The following CPNE2 variants were observed in gnomAD, a reference collection of about 807,000 sequenced individuals.
CPNE2 encodes copine-2.
Under a neutral mutation model 69.7 loss-of-function variants are expected in CPNE2, and 42 were observed. That is an observed-to-expected ratio of 0.60 (90% CI 0.47 to 0.78). The LOEUF is 0.78. Ranked by LOEUF, CPNE2 falls within the 30% of genes least tolerant of loss-of-function variation. The pLI, the probability that CPNE2 is intolerant of heterozygous loss-of-function variation, is 0.00. For synonymous variants in CPNE2, 294 were observed against 289.8 expected (o/e 1.01, Z -0.15); for missense variants, 587 against 732.0 (o/e 0.80, Z 2.29).
At chr16:57,127,301 T>C (rs1251397895) in intron 11 of CPNE2, among the ~76,000 whole-genome samples, 1 of 151,986 alleles carries the variant, frequency 6.6e-6, no homozygotes, top group Non-Finnish European at 1.5e-5. Context: ...AGCATTGAAG[T>C]TGGAATGTGA....
intron 9 of CPNE2, among the ~76,000 whole-genome samples, chr16:57,122,634 C>T (rs183505296): frequency 4.7e-4 from 71 of 152,252 alleles, no homozygotes; most frequent in African/African-American, 1.6e-3. Flanking sequence ...ACTGTGTTGC[C>T]CAGGCTGGAG....
At chr16:57,128,947 G>A (rs2069819151) in intron 12 of CPNE2, 1 of 152,232 alleles carries the variant, frequency 6.6e-6, no homozygotes, top group Non-Finnish European at 1.5e-5. Flanking sequence ...TGCTGAGGTG[G>A]GGGCACCGTA....
chr16:57,106,237 T>C (rs1448464235), intron 1 of CPNE2: 4 of 144,506 alleles, frequency 2.8e-5, no homozygotes, highest in Non-Finnish European at 6.1e-5. Flanking sequence ...CACCCACCCA[T>C]TGCTCACTCT....
intron 1 of CPNE2, among the ~76,000 whole-genome samples, chr16:57,106,986 A>G (rs1166563751): frequency 6.6e-6 from 1 of 152,218 alleles, no homozygotes; most frequent in African/African-American, 2.4e-5. Context: ...GACCTGATTC[A>G]CATCCTGTCT....
chr16:57,113,599 AAC>A (rs2069696251), intron 3 of CPNE2, 132 bp downstream of exon 3: 4 of 967,538 alleles, frequency 4.1e-6, no homozygotes, highest in Non-Finnish European at 6.0e-6. Flanking sequence ...CAGAGTGGGG[AAC>A]AGTCTTGGCG....
intron 1 of CPNE2, among the ~76,000 whole-genome samples, chr16:57,104,523 T>A (rs958965588): frequency 2.6e-5 from 4 of 152,114 alleles, no homozygotes; most frequent in Non-Finnish European, 5.9e-5. Flanking sequence ...GGGAGGTGGC[T>A]ATGATTGCTC....
chr16:57,100,822 G>C (rs4783971), intron 1 of CPNE2, among the ~76,000 whole-genome samples: 10,538 of 152,214 alleles, frequency 0.069, 630 homozygotes, highest in African/African-American at 0.14. Flanking sequence ...CAGGGTGGGG[G>C]TGGGCTCTCT....
Position 57,146,669 on chromosome 16 carries a change from G to T in CPNE2, c.1539+348G>T. 1 of 226,236 alleles carries T rather than the reference G, an allele frequency of 4.4e-6. No homozygotes were observed. Among genetic ancestry groups the T allele is most frequent in the Non-Finnish European group, 8.8e-6 (1 of 113,968 alleles). 14.0% of individuals were successfully genotyped at this position (226,236 alleles called of 1,614,324 possible). ...GGTGTAAAGTGCAGGAGGAGAGAGGGGTTTTCCTGATCATCACGCCCCAGC... is the reference window on the plus strand; with the variant it reads ...GGTGTAAAGTGCAGGAGGAGAGAGGTGTTTTCCTGATCATCACGCCCCAGC... On this transcript the variant is annotated intron_variant, in intron 15 of 15. Coordinates refer to ENST00000290776, the MANE Select transcript of CPNE2 (RefSeq NM_152727.6). This position sits in a 1 kb window ranked among gnomAD's most constrained non-coding sequence, Gnocchi z 4.4.
chr16:57,111,014 A>G, intron 2 of CPNE2, 92 bp downstream of exon 2: 1 of 1,195,320 alleles, frequency 8.4e-7, no homozygotes, highest in South Asian at 1.9e-5. Flanking sequence ...AGGATGTCTG[A>G]TGGAAGTAGT....
Position 57,113,329 on chromosome 16 carries a change from C to G in CPNE2, c.222C>G (p.Ala74=), listed in dbSNP as rs201367879. The G allele has an allele frequency of 1.2e-6, 2 of 1,614,218 alleles. No homozygotes were observed. Among genetic ancestry groups the G allele is most frequent in the African/African-American group, 2.7e-5 (2 of 75,064 alleles). Residue 74 remains alanine, a synonymous_variant, in exon 3 of 16, where the codon GCC becomes GCG. Coordinates refer to ENST00000290776, the MANE Select transcript of CPNE2 (RefSeq NM_152727.6). ...CCGCGATCAACAACCTCAACCCCGC[C>G]TTCTCCAAGAAGTTCGTGCTTGACT... ...TETAINNLNP[A]FSKKFVLDYH...
intron 10 of CPNE2, 33 bp downstream of exon 10, chr16:57,123,506 C>T (rs1359207847): frequency 6.2e-7 from 1 of 1,608,258 alleles, no homozygotes; most frequent in Admixed American, 1.7e-5. Context: ...CCTCTGCACC[C>T]CCATCCCAGT....
Position 57,146,832 on chromosome 16 carries a change from G to C in CPNE2, c.1539+511G>C. On this transcript the variant is annotated intron_variant, in intron 15 of 15. Coordinates refer to ENST00000290776, the MANE Select transcript of CPNE2 (RefSeq NM_152727.6). This position sits in a 1 kb window ranked among gnomAD's most constrained non-coding sequence, Gnocchi z 4.4. ...AGTGGCTCTGGCTTTATTTGCAGGT[G>C]ATCCCAGATCTGCCCACAAGGAGGC... The C allele has an allele frequency of 6.1e-6, 1 of 163,774 alleles. No individual in the cohort carries two copies. The highest frequency in any genetic ancestry group is 1.3e-5 in the Non-Finnish European group (1 of 74,468). 10.1% of individuals were successfully genotyped at this position (163,774 alleles called of 1,614,324 possible). A position where few individuals can be genotyped will look rare whatever the true frequency, so the allele number is the denominator to read the frequency against.
In CPNE2 at chr16:57,146,206, C is replaced by T. The variant is rs866668979; in HGVS notation, c.1424C>T (p.Ala475Val). ...MSIIIVGVGN[A>V]DFAAMEFLDG... ...ATCATCATCGTGGGCGTGGGCAATG[C>T]GGACTTCGCTGCCATGGAGTTCCTG... Residue 475 changes from alanine (A) to valine (V), a missense_variant, in exon 15 of 16, where the codon GCG becomes GTG. This residue lies in a region of CPNE2 where 185 missense variants were observed against 252.3 expected (regional missense o/e 0.73). Coordinates refer to ENST00000290776, the MANE Select transcript of CPNE2 (RefSeq NM_152727.6). The surrounding 1 kb of genome is among the most constrained non-coding windows in gnomAD (Gnocchi z 4.4). 4.5e-6 allele frequency: 7 copies of T among 1,569,528 alleles called. No individual in the cohort carries two copies. Among genetic ancestry groups the T allele is most frequent in the Non-Finnish European group, 4.3e-6 (5 of 1,156,310 alleles).
intron 1 of CPNE2, among the ~76,000 whole-genome samples, chr16:57,094,495 C>T (rs1309315381): frequency 6.6e-6 from 1 of 152,168 alleles, no homozygotes; most frequent in Non-Finnish European, 1.5e-5. Context: ...GTCTGTAAAA[C>T]AGTAAGTACT....
intron 3 of CPNE2, 28 bp from the exon 4 acceptor site, chr16:57,115,448 T>C: frequency 6.3e-7 from 1 of 1,575,872 alleles, no homozygotes; most frequent in Non-Finnish European, 8.7e-7. Flanking sequence ...GCTTCCTCAC[T>C]GAGCGCCCTT....
At chr16:57,138,746 T>C (rs1312461755) in intron 14 of CPNE2, among the ~76,000 whole-genome samples, 1 of 152,230 alleles carries the variant, frequency 6.6e-6, no homozygotes, top group Non-Finnish European at 1.5e-5. Flanking sequence ...TCTCCGTGCC[T>C]GGTCCAGTGC....
intron 4 of CPNE2, among the ~76,000 whole-genome samples, 175 bp from the exon 5 acceptor site, chr16:57,117,321 C>G (rs113263942): frequency 1.3e-5 from 2 of 152,276 alleles, no homozygotes; most frequent in African/African-American, 4.8e-5. Context: ...TCCGCATTTT[C>G]CAGAAGATGG....
chr16:57,122,881 C>T (rs2069773071), intron 9 of CPNE2, among the ~76,000 whole-genome samples: 1 of 150,944 alleles, frequency 6.6e-6, no homozygotes, highest in African/African-American at 2.4e-5. Context: ...GAATGAGCCA[C>T]TATACCTGGC....
chr16:57,147,971 C>CT lies in CPNE2; in HGVS notation c.*318dup, dbSNP rs1422565948. The stretch of plus-strand genomic sequence containing the variant: ...ATAAAATTTTTACAATCATAACTGG[C>CT]TTTTTCCAAGTAACTAGCTGCAGAC... On this transcript the variant is annotated 3_prime_UTR_variant, in exon 16 of 16. Transcript: ENST00000290776. 1.6e-5 allele frequency: 4 copies of CT among 247,454 alleles called. No homozygotes were observed. Among genetic ancestry groups the CT allele is most frequent in the Non-Finnish European group, 2.3e-5 (3 of 130,668 alleles). 15.3% of individuals were successfully genotyped at this position (247,454 alleles called of 1,614,324 possible).
Sources: gnomAD v4.1 joint callset for allele counts (sites outside exome capture counted in the v4.1 genomes callset) on GRCh38, gnomAD v4.1.1 for gene constraint, gnomAD v4.1.1 regional missense constraint, Gnocchi (gnomAD v3.1) non-coding constraint, MANE v1.5 for transcripts, NCBI Gene and HGNC (gene_info 2026-07-23, HGNC 2026-07-21) for gene names.